The following PCSK5 variants were observed in gnomAD, a reference collection of about 807,000 sequenced individuals.
PCSK5 encodes proprotein convertase subtilisin/kexin type 5, also known as prohormone convertase 5.
PCSK5 carries 129 observed loss-of-function variants against 233.2 expected under a neutral mutation model. The ratio of observed to expected loss-of-function variants is 0.55; its 90% CI spans 0.48 to 0.64. PCSK5 has a LOEUF of 0.64. Ranked by LOEUF, PCSK5 falls within the 30% of genes least tolerant of loss-of-function variation. The pLI, the probability that PCSK5 is intolerant of heterozygous loss-of-function variation, is 0.00. For missense variants in PCSK5, 2,076 were observed against 2,430.1 expected (o/e 0.85, Z 3.06); for synonymous variants, 825 against 879.2 (o/e 0.94, Z 1.09).
intron 28 of PCSK5, among the ~76,000 whole-genome samples, chr9:76,307,181 G>A (rs1030766141): frequency 2.0e-5 from 3 of 151,932 alleles, no homozygotes; most frequent in East Asian, 3.9e-4. Context: ...TTTAATTACC[G>A]TATCCATGGT....
chr9:76,353,976 C>G, intron 36 of PCSK5, 57 bp from the exon 37 acceptor site: 1 of 1,264,226 alleles, frequency 7.9e-7, no homozygotes, highest in Non-Finnish European at 1.1e-6. Flanking sequence ...TCTGGGAACT[C>G]CAGTGCCTTG....
At chr9:76,252,225 G>A (rs1001774254) in intron 24 of PCSK5, among the ~76,000 whole-genome samples, 6 of 152,090 alleles carry the variant, frequency 3.9e-5, no homozygotes, top group African/African-American at 1.4e-4. Flanking sequence ...CCGCGATCGC[G>A]TGCCCCTGCA....
chr9:75,908,063 T>G (rs760398542), intron 1 of PCSK5, among the ~76,000 whole-genome samples: 1 of 152,178 alleles, frequency 6.6e-6, no homozygotes, highest in Non-Finnish European at 1.5e-5. Context: ...TGCAGGTCAG[T>G]CCTTAAGGAG....
At chr9:76,128,105 A>C (rs1822592424) in intron 9 of PCSK5, among the ~76,000 whole-genome samples, 1 of 152,194 alleles carries the variant, frequency 6.6e-6, no homozygotes, top group South Asian at 2.1e-4. Flanking sequence ...GAACTGCATA[A>C]TTTATACATG....
chr9:76,194,100 A>T (rs899002217), intron 20 of PCSK5: 3 of 152,380 alleles, frequency 2.0e-5, no homozygotes, highest in Non-Finnish European at 4.4e-5. Flanking sequence ...ATTGCTCTGT[A>T]TAGTCAAATT....
intron 3 of PCSK5, among the ~76,000 whole-genome samples, chr9:76,011,584 G>T (rs1483298952): frequency 2.0e-5 from 3 of 152,098 alleles, no homozygotes; most frequent in African/African-American, 4.8e-5. Context: ...TTTTTCTGTG[G>T]CTATATCATA....
intron 35 of PCSK5, among the ~76,000 whole-genome samples, chr9:76,345,182 A>ATTATTTTATTTTATTTTATTTTATT (rs59974258): frequency 3.0e-4 from 45 of 150,898 alleles, no homozygotes; most frequent in African/African-American, 1.0e-3. Flanking sequence ...ATTTTATTTT[A>ATTATTTTATTTTATTTTATTTTATT]TTATTTTATT....
intron 5 of PCSK5, among the ~76,000 whole-genome samples, chr9:76,040,361 C>CTCTCTCTCTCTCTCTCTCTG (rs1829051970): frequency 1.7e-5 from 1 of 57,700 alleles, no homozygotes; most frequent in Non-Finnish European, 3.2e-5. Context: ...CTCTCTCTCT[C>CTCTCTCTCTCTCTCTCTCTG]TCTCTCTCTC....
At chr9:76,216,957 C>T (rs768682046) in intron 20 of PCSK5, among the ~76,000 whole-genome samples, 1 of 152,198 alleles carries the variant, frequency 6.6e-6, no homozygotes, top group Non-Finnish European at 1.5e-5. Flanking sequence ...TCGACTGCCT[C>T]AGCCTCCCAA....
At chr9:76,169,577 A>G (rs11144772) in intron 12 of PCSK5, 127 bp from the exon 13 acceptor site, 2 of 666,378 alleles carry the variant, frequency 3.0e-6, no homozygotes, top group Admixed American at 4.9e-5. Flanking sequence ...GACATCCAGG[A>G]TGCAGACCAG....
intron 2 of PCSK5, among the ~76,000 whole-genome samples, chr9:75,955,954 T>C (rs1825076772): frequency 6.6e-6 from 1 of 152,162 alleles, no homozygotes; most frequent in South Asian, 2.1e-4. Flanking sequence ...GTAGTCTCCC[T>C]ATGGTACAAA....
At chr9:76,245,612 A>G (rs1305600134) in intron 24 of PCSK5, among the ~76,000 whole-genome samples, 1 of 152,198 alleles carries the variant, frequency 6.6e-6, no homozygotes, top group Admixed American at 6.5e-5. Flanking sequence ...CACCAAGTAT[A>G]CTAATTTTGC....
At chr9:76,043,075 C>T (rs145238974) in intron 5 of PCSK5, among the ~76,000 whole-genome samples, 2,141 of 152,022 alleles carry the variant, frequency 0.014, 55 homozygotes, top group African/African-American at 0.049. Context: ...GGCCAGGCGC[C>T]GTCGCTCACG....
At chr9:76,118,278 T>C (rs1278444760) in intron 9 of PCSK5, among the ~76,000 whole-genome samples, 1 of 152,026 alleles carries the variant, frequency 6.6e-6, no homozygotes, top group Non-Finnish European at 1.5e-5. Flanking sequence ...ACAATGGCAA[T>C]GTAGGTTATT....
intron 1 of PCSK5, among the ~76,000 whole-genome samples, chr9:75,921,009 C>CG (rs1823233652): frequency 6.6e-6 from 1 of 151,696 alleles, no homozygotes; most frequent in African/African-American, 2.4e-5. Flanking sequence ...TGAAACATGC[C>CG]AGTTAACATT....
At chr9:76,193,087 G>A (rs1824491878) in intron 20 of PCSK5, 1 of 539,336 alleles carries the variant, frequency 1.9e-6, no homozygotes, top group Non-Finnish European at 3.1e-6. Flanking sequence ...ACTTTGGGTG[G>A]ACCAAATTTC....
In PCSK5 at chr9:76,359,858, T is replaced by C. The variant is rs1043542117; in HGVS notation, c.*936T>C. 44 of 151,812 alleles carry C rather than the reference T, an allele frequency of 2.9e-4. No homozygotes were observed. The highest frequency in any genetic ancestry group is 2.6e-3 in the Admixed American group (39 of 15,204). The allele number at this position is 151,812 out of a possible 1,614,324, so 9.4% of individuals were successfully genotyped here. ...CCATCACAAAACCGTGGACTCTCAA[T>C]AGAAAGAGTTGGAATAGAGTCTAAC... On this transcript the variant is annotated 3_prime_UTR_variant, in exon 38 of 38. Coordinates refer to ENST00000674117, the MANE Select transcript of PCSK5 (RefSeq NM_001372043.1).
At chr9:76,350,949 TG>T in intron 36 of PCSK5, 21 bp downstream of exon 36, 1 of 1,249,004 alleles carries the variant, frequency 8.0e-7, no homozygotes, top group Non-Finnish European at 1.2e-6. Context: ...CTGGGGGTCC[TG>T]GGCCTTCTGC....
chr9:76,072,862 C>T (rs115523922), intron 7 of PCSK5, among the ~76,000 whole-genome samples: 40 of 152,324 alleles, frequency 2.6e-4, no homozygotes, highest in African/African-American at 9.6e-4. Flanking sequence ...AGCCTTCTCA[C>T]TGCCCAAACT....
Sources: gnomAD v4.1 joint callset for allele counts (sites outside exome capture counted in the v4.1 genomes callset) on GRCh38, gnomAD v4.1.1 for gene constraint, MANE v1.5 for transcripts, NCBI Gene and HGNC (gene_info 2026-07-23, HGNC 2026-07-21) for gene names.